SDHA: variants seen among roughly 807,000 people sequenced by gnomAD.
SDHA encodes succinate dehydrogenase complex flavoprotein subunit A.
Under a neutral mutation model 78.4 loss-of-function variants are expected in SDHA, and 48 were observed. The ratio of observed to expected loss-of-function variants is 0.61; its 90% confidence interval spans 0.49 to 0.78. The LOEUF (loss-of-function observed/expected upper bound fraction) is 0.78, where lower values mean the gene tolerates loss of function less well. Ranked by LOEUF, SDHA falls within the 30% of genes least tolerant of loss-of-function variation. The pLI, the probability that SDHA is intolerant of heterozygous loss-of-function variation, is 0.00. For missense variants in SDHA, 680 were observed against 892.7 expected (o/e 0.76, Z 3.04); for synonymous variants, 326 against 353.9 (o/e 0.92, Z 0.88).
intron 1 of SDHA, among the ~76,000 whole-genome samples, 167 bp from the exon 2 acceptor site, chr5:223,315 G>C (rs1336648545): frequency 6.6e-6 from 1 of 152,174 alleles, no homozygotes; most frequent in African/African-American, 2.4e-5. Context: ...TTGCCCCTTG[G>C]GCTGCCTTCA....
intron 11 of SDHA, among the ~76,000 whole-genome samples, chr5:245,974 C>T (rs1736424447): frequency 6.6e-6 from 1 of 152,192 alleles, no homozygotes; most frequent in African/African-American, 2.4e-5. Flanking sequence ...AATCTATTTT[C>T]TATCCTTAGA....
downstream of SDHA, among the ~76,000 whole-genome samples, chr5:257,795 A>G (rs1358651124): frequency 3.0e-4 from 14 of 47,146 alleles, no homozygotes; most frequent in South Asian, 8.8e-4. Context: ...TGTGAGCTCC[A>G]CCCCCTGCCA....
chr5:238,445 G>GT (rs145428473), intron 10 of SDHA, among the ~76,000 whole-genome samples: 1,469 of 138,902 alleles, frequency 0.011, 14 homozygotes, highest in Non-Finnish European at 0.015. Context: ...ACATATATAT[G>GT]TATTTTTTTT....
chr5:242,702 G>A (rs752430997), intron 11 of SDHA, among the ~76,000 whole-genome samples: 38 of 152,156 alleles, frequency 2.5e-4, no homozygotes, highest in Non-Finnish European at 5.3e-4. Context: ...GGTCACCGGA[G>A]CGATGGAGAA....
chr5:254,023 A>G (rs971345778), intron 13 of SDHA, among the ~76,000 whole-genome samples: 3 of 151,882 alleles, frequency 2.0e-5, no homozygotes, highest in African/African-American at 7.2e-5. Context: ...CCCAGGTGAC[A>G]TAGCCAGACC....
chr5:235,448 A>G, intron 9 of SDHA, 109 bp downstream of exon 9: 2 of 1,084,332 alleles, frequency 1.8e-6, no homozygotes, highest in Middle Eastern at 2.0e-4. Flanking sequence ...GTTTCCTTCA[A>G]GAAAGTACTG....
chr5:240,059 G>A (rs1029774581), intron 10 of SDHA, among the ~76,000 whole-genome samples: 11 of 152,154 alleles, frequency 7.2e-5, no homozygotes, highest in South Asian at 6.2e-4. Context: ...GTGAGCCACC[G>A]CACCCGGCCT....
At chr5:221,467 G>C (rs905445407) in intron 1 of SDHA, among the ~76,000 whole-genome samples, 1 of 152,164 alleles carries the variant, frequency 6.6e-6, no homozygotes, top group Admixed American at 6.5e-5. Flanking sequence ...TTTCTTGCTC[G>C]TGATTTATAG....
intron 13 of SDHA, among the ~76,000 whole-genome samples, chr5:252,711 G>A (rs1736924692): frequency 6.6e-6 from 1 of 151,090 alleles, no homozygotes; most frequent in Admixed American, 6.6e-5. Flanking sequence ...AGCCTGCCCT[G>A]TGGAGGAAAT....
intron 14 of SDHA, among the ~76,000 whole-genome samples, chr5:255,352 T>C (rs933407604): frequency 6.6e-6 from 1 of 151,916 alleles, no homozygotes; most frequent in Non-Finnish European, 1.5e-5. Context: ...AGTAGGTCAT[T>C]TTCAGGACTT....
chr5:225,826 C>T (rs59452511), intron 4 of SDHA, 57 bp from the exon 5 acceptor site: 406,660 of 1,597,512 alleles, frequency 0.25, 57,556 homozygotes, highest in African/African-American at 0.56. Flanking sequence ...AGATTAGCTG[C>T]GAATATCTTG....
At chr5:236,916 C>A (rs1018865868) in intron 10 of SDHA, among the ~76,000 whole-genome samples, 1 of 148,940 alleles carries the variant, frequency 6.7e-6, no homozygotes, top group Non-Finnish European at 1.5e-5. Context: ...CCCAAAGTAT[C>A]GGGATTACAG....
rs775847689 is a variant in SDHA at position 218,373 on chromosome 5, C to T, written c.18C>T (p.Gly6=). 4 of 1,457,106 alleles carry T rather than the reference C, an allele frequency of 2.7e-6. No individual in the cohort carries two copies. The African/African-American group carries it at 4.4e-5, about 16-fold the overall frequency. 90.3% of individuals were successfully genotyped at this position (1,457,106 alleles called of 1,614,324 possible). MSGVR[G]LSRLLSARRL... The stretch of plus-strand genomic sequence containing the variant: ...CAGCAGACATGTCGGGGGTCCGGGG[C>T]CTGTCGCGGCTGCTGAGCGCTCGGC... The change falls in exon 1 of 15, where the codon GGC becomes GGT. Residue 6 remains glycine (G), a synonymous_variant. Transcript: ENST00000264932.
intron 11 of SDHA, among the ~76,000 whole-genome samples, chr5:247,451 A>G (rs571444193): frequency 2.0e-5 from 3 of 152,364 alleles, no homozygotes; most frequent in East Asian, 3.9e-4. Flanking sequence ...CTAATGCTAG[A>G]CACTTTCACA....
intron 13 of SDHA, among the ~76,000 whole-genome samples, chr5:253,867 C>T (rs1169572028): frequency 1.3e-5 from 2 of 152,088 alleles, no homozygotes; most frequent in Non-Finnish European, 2.9e-5. Context: ...TGTAGACCAG[C>T]CTGGGCAACA....
At chr5:263,612 C>T in the SDHA span, among the ~76,000 whole-genome samples, 134 of 152,184 alleles carry the variant, frequency 8.8e-4, no homozygotes, top group Middle Eastern at 3.4e-3. Context: ...TGCATTACAC[C>T]ATAAAAAAGC....
chr5:239,575 T>C (rs1736012882), intron 10 of SDHA, among the ~76,000 whole-genome samples: 1 of 150,544 alleles, frequency 6.6e-6, no homozygotes, highest in East Asian at 1.9e-4. Context: ...AAAAAAAAAT[T>C]GCTAATCTTG....
chr5:227,317 GTTTTAATA>G (rs1286735558), intron 5 of SDHA, among the ~76,000 whole-genome samples: 2 of 152,222 alleles, frequency 1.3e-5, no homozygotes, highest in East Asian at 3.8e-4. Flanking sequence ...GCCATGGATT[GTTTTAATA>G]TTAACTGTTA....
chr5:235,462 T>A, intron 9 of SDHA, 123 bp downstream of exon 9: 1 of 972,976 alleles, frequency 1.0e-6, no homozygotes, highest in Middle Eastern at 2.0e-4. Flanking sequence ...AGTACTGTAT[T>A]GTTTTCTAGA....
Sources: allele counts gnomAD v4.1 joint callset (sites outside exome capture counted in the v4.1 genomes callset), GRCh38; gene constraint gnomAD v4.1.1; transcripts MANE v1.5; gene names NCBI Gene and HGNC (gene_info 2026-07-23, HGNC 2026-07-21).